Variants in DAB1 observed in about 807,000 individuals in gnomAD.
The protein encoded by DAB1 is disabled homolog 1.
Under a neutral mutation model 64.6 loss-of-function variants are expected in DAB1, and 15 were observed. The ratio of observed to expected loss-of-function variants is 0.23; its 90% CI spans 0.16 to 0.36. The LOEUF (loss-of-function observed/expected upper bound fraction) is 0.36. Ranked by LOEUF, DAB1 falls within the 10% of genes least tolerant of loss-of-function variation. The pLI is 1.00. For missense variants in DAB1, 596 were observed against 706.7 expected, an observed-to-expected ratio of 0.84 and a Z score of 1.78; for synonymous variants, 235 against 251.9, an observed-to-expected ratio of 0.93 and a Z score of 0.64.
At chr1:57,108,034 C>T (rs771507441) in intron 4 of DAB1, among the ~76,000 whole-genome samples, 44 of 152,122 alleles carry the variant, frequency 2.9e-4, no homozygotes, top group Non-Finnish European at 5.1e-4. Context: ...TTCCCTGAGG[C>T]CCTGCTATTC....
intron 3 of DAB1, among the ~76,000 whole-genome samples, chr1:58,461,873 A>G (rs929048155): frequency 2.0e-5 from 3 of 152,196 alleles, no homozygotes; most frequent in Admixed American, 1.3e-4. Context: ...CTGATTTCAT[A>G]TACTTCTGCC....
At chr1:57,973,220 G>A (rs1645840180) in intron 5 of DAB1, among the ~76,000 whole-genome samples, 2 of 152,180 alleles carry the variant, frequency 1.3e-5, no homozygotes, top group Non-Finnish European at 1.5e-5. Flanking sequence ...TGGCCTTGAA[G>A]ATTGAAATGA....
chr1:57,249,339 C>A (rs983368990), intron 2 of DAB1, among the ~76,000 whole-genome samples: 1 of 152,050 alleles, frequency 6.6e-6, no homozygotes, highest in Non-Finnish European at 1.5e-5. Context: ...CCTCATAAAG[C>A]GATCAATCAT....
intron 2 of DAB1, among the ~76,000 whole-genome samples, chr1:57,289,085 T>C (rs1193098473): frequency 3.9e-5 from 6 of 152,294 alleles, no homozygotes; most frequent in South Asian, 2.1e-4. Context: ...TCCTCACATA[T>C]GTATTATGTT....
At chr1:58,373,823 C>T (rs2100538661) in intron 3 of DAB1, among the ~76,000 whole-genome samples, 1 of 150,558 alleles carries the variant, frequency 6.6e-6, no homozygotes, top group Admixed American at 6.6e-5. Context: ...TATTTCTCCA[C>T]ATCCTCTCCA....
intron 1 of DAB1, among the ~76,000 whole-genome samples, chr1:57,351,508 T>C (rs1003252555): frequency 6.6e-6 from 1 of 152,070 alleles, no homozygotes; most frequent in Non-Finnish European, 1.5e-5. Context: ...CACAGCCCAC[T>C]AAGACCCACT....
chr1:57,641,607 ATCT>A (rs1051691207), intron 7 of DAB1, among the ~76,000 whole-genome samples: 5 of 151,048 alleles, frequency 3.3e-5, no homozygotes, highest in Non-Finnish European at 7.4e-5. Context: ...GATGGTCTCG[ATCT>A]TCTGATCATG....
chr1:57,928,475 T>C (rs1644910577), intron 5 of DAB1, among the ~76,000 whole-genome samples: 1 of 152,082 alleles, frequency 6.6e-6, no homozygotes, highest in Non-Finnish European at 1.5e-5. Flanking sequence ...AAGACTACGG[T>C]TTACATTAGG....
intron 2 of DAB1, among the ~76,000 whole-genome samples, chr1:57,244,664 C>A (rs1668734204): frequency 6.6e-6 from 1 of 152,192 alleles, no homozygotes; most frequent in Admixed American, 6.5e-5. Flanking sequence ...ATCAAATCCT[C>A]CCTTAACTTT....
chr1:57,493,473 C>T (rs1270225605), intron 7 of DAB1, among the ~76,000 whole-genome samples: 1 of 152,138 alleles, frequency 6.6e-6, no homozygotes, highest in African/African-American at 2.4e-5. Flanking sequence ...GAATTATTTT[C>T]CTTTTAAAGG....
At chr1:57,473,923 AAC>A (rs921238252) in intron 7 of DAB1, among the ~76,000 whole-genome samples, 15 of 152,336 alleles carry the variant, frequency 9.8e-5, no homozygotes, top group Admixed American at 4.6e-4. Context: ...GAGACACAAA[AAC>A]ACAGTTTCTA....
chr1:57,946,171 G>C (rs1048384494), intron 5 of DAB1, among the ~76,000 whole-genome samples: 1 of 152,150 alleles, frequency 6.6e-6, no homozygotes, highest in South Asian at 2.1e-4. Flanking sequence ...TCCCAGCATG[G>C]AGATTCCTTG....
At chr1:57,397,324 A>G (rs1228651019) in intron 1 of DAB1, among the ~76,000 whole-genome samples, 1 of 152,044 alleles carries the variant, frequency 6.6e-6, no homozygotes, top group Non-Finnish European at 1.5e-5. Context: ...CATGCTCCAC[A>G]CTTCCCCTAT....
chr1:57,107,107 G>C (rs984539591), intron 4 of DAB1, among the ~76,000 whole-genome samples: 3 of 152,118 alleles, frequency 2.0e-5, no homozygotes, highest in Admixed American at 6.5e-5. Context: ...AGGCATGGTG[G>C]CTCACGCCTG....
At chr1:57,097,150 A>G (rs1049916215) in intron 4 of DAB1, among the ~76,000 whole-genome samples, 2 of 152,242 alleles carry the variant, frequency 1.3e-5, no homozygotes, top group Non-Finnish European at 2.9e-5. Flanking sequence ...TAATAAAAGG[A>G]GTAAAGAATG....
chr1:57,622,699 C>T (rs1163491879), intron 7 of DAB1, among the ~76,000 whole-genome samples: 1 of 152,154 alleles, frequency 6.6e-6, no homozygotes, highest in Non-Finnish European at 1.5e-5. Flanking sequence ...AATTCCAAAG[C>T]TGATATTCTT....
chr1:57,318,731 CAAAAA>C (rs10522783), intron 1 of DAB1, among the ~76,000 whole-genome samples: 23 of 116,942 alleles, frequency 2.0e-4, no homozygotes, highest in East Asian at 4.7e-4. Flanking sequence ...CGGTAATTTG[CAAAAA>C]AAAAAAAAAA....
chr1:58,188,022 C>A (rs1425525315), intron 4 of DAB1, among the ~76,000 whole-genome samples: 3 of 151,960 alleles, frequency 2.0e-5, no homozygotes, highest in Admixed American at 6.6e-5. Flanking sequence ...GATTCTCCTG[C>A]CTCAGCCTCC....
chr1:57,730,099 A>C (rs1417091309), intron 6 of DAB1, among the ~76,000 whole-genome samples: 1 of 152,110 alleles, frequency 6.6e-6, no homozygotes, highest in African/African-American at 2.4e-5. Context: ...ATCAAATTCT[A>C]ATTTCCTCTC....
Sources: allele counts gnomAD v4.1 joint callset (sites outside exome capture counted in the v4.1 genomes callset), GRCh38; gene constraint gnomAD v4.1.1; transcripts MANE v1.5; gene names NCBI Gene and HGNC (gene_info 2026-07-23, HGNC 2026-07-21).